The following ADGRL2 variants were observed in gnomAD, a reference collection of about 807,000 sequenced individuals.
ADGRL2 encodes the protein calcium-independent alpha-latrotoxin receptor 2.
In ADGRL2, 44 loss-of-function variants were observed where a neutral mutation model predicts 157.4. The ratio of observed to expected loss-of-function variants is 0.28; its 90% CI spans 0.22 to 0.36. The LOEUF (loss-of-function observed/expected upper bound fraction) is 0.36, where lower values mean the gene tolerates loss of function less well. Ranked by LOEUF, ADGRL2 falls within the 10% of genes least tolerant of loss-of-function variation. The probability of loss-of-function intolerance (pLI) is 1.00; values close to 1 mark genes in which losing one functional copy is unlikely to be tolerated. For missense variants in ADGRL2, 1,510 were observed against 1,768.9 expected, an observed-to-expected ratio of 0.85 and a Z score of 2.63; for synonymous variants, 585 against 624.7, an observed-to-expected ratio of 0.94 and a Z score of 0.95.
At chr1:81,691,506 T>TG (rs1403865009) in intron 3 of ADGRL2, among the ~76,000 whole-genome samples, 11 of 143,802 alleles carry the variant, frequency 7.6e-5, no homozygotes, top group African/African-American at 2.7e-4. Context: ...TTTTTAGGAC[T>TG]TTTTTTTTTG....
intron 1 of ADGRL2, among the ~76,000 whole-genome samples, chr1:81,435,555 G>T (rs2077393933): frequency 6.6e-6 from 1 of 152,104 alleles, no homozygotes; most frequent in Non-Finnish European, 1.5e-5. Context: ...AAACTTATAG[G>T]CCAAGATGAA....
At chr1:81,308,581 G>T (rs2100530331) in intron 1 of ADGRL2, among the ~76,000 whole-genome samples, 1 of 152,278 alleles carries the variant, frequency 6.6e-6, no homozygotes, top group Admixed American at 6.5e-5. Context: ...TGGGGACAGA[G>T]AAAATGCAAA....
chr1:81,766,847 G>GAAAAAAAAAAAAAAAAAAAAAAAAAAAA (rs66946051), intron 2 of ADGRL2, among the ~76,000 whole-genome samples: 1 of 117,824 alleles, frequency 8.5e-6, no homozygotes, highest in Non-Finnish European at 1.8e-5. Context: ...AAAAAAAAAG[G>GAAAAAAAAAAAAAAAAAAAAAAAAAAAA]AAAAAAAAAA....
intron 2 of ADGRL2, among the ~76,000 whole-genome samples, chr1:81,553,339 C>G (rs1252196629): frequency 6.6e-6 from 1 of 151,940 alleles, no homozygotes; most frequent in East Asian, 1.9e-4. Context: ...ATTTAAGCAC[C>G]CGGTTTTTGA....
chr1:81,778,343 C>G (rs972467642), intron 2 of ADGRL2, among the ~76,000 whole-genome samples: 1 of 150,370 alleles, frequency 6.7e-6, no homozygotes, highest in Admixed American at 6.6e-5. Flanking sequence ...AAAAAAATTA[C>G]TATCCCTAAA....
chr1:81,438,425 G>A (rs909949333), intron 1 of ADGRL2, among the ~76,000 whole-genome samples: 3 of 152,162 alleles, frequency 2.0e-5, no homozygotes, highest in Non-Finnish European at 4.4e-5. Flanking sequence ...TATTTTCCGT[G>A]TTGCTGAGGG....
At chr1:81,840,912 A>T (rs1259685814) in intron 2 of ADGRL2, among the ~76,000 whole-genome samples, 2 of 152,140 alleles carry the variant, frequency 1.3e-5, no homozygotes, top group Non-Finnish European at 1.5e-5. Flanking sequence ...TCTTTTGGCC[A>T]GTTTTTATAA....
chr1:81,674,926 CTAAAA>C (rs1474596542), intron 3 of ADGRL2, among the ~76,000 whole-genome samples: 2 of 152,076 alleles, frequency 1.3e-5, no homozygotes, highest in African/African-American at 2.4e-5. Flanking sequence ...AAAATAAAAA[CTAAAA>C]TAAAATAAAA....
chr1:81,392,777 T>C (rs1458304281), intron 1 of ADGRL2, among the ~76,000 whole-genome samples: 2 of 152,028 alleles, frequency 1.3e-5, no homozygotes, highest in African/African-American at 4.8e-5. Context: ...TAATGCAGGG[T>C]GGGTAAAACT....
intron 1 of ADGRL2, among the ~76,000 whole-genome samples, chr1:81,307,221 A>G (rs1659404237): frequency 6.6e-6 from 1 of 152,222 alleles, no homozygotes; most frequent in African/African-American, 2.4e-5. Context: ...TTTGAGATCA[A>G]TTTTTGAGAA....
At chr1:81,892,954 A>G (rs1019017724) in intron 2 of ADGRL2, among the ~76,000 whole-genome samples, 4 of 152,206 alleles carry the variant, frequency 2.6e-5, no homozygotes, top group Non-Finnish European at 5.9e-5. Context: ...ATAATATTAA[A>G]TATAAATTAA....
intron 1 of ADGRL2, among the ~76,000 whole-genome samples, chr1:81,316,732 T>A (rs1271029990): frequency 6.6e-6 from 1 of 152,172 alleles, no homozygotes; most frequent in Non-Finnish European, 1.5e-5. Flanking sequence ...TCATTAAATA[T>A]TATAGCCAAA....
At chr1:81,965,220 T>C (rs992201421) in intron 11 of ADGRL2, among the ~76,000 whole-genome samples, 2 of 152,182 alleles carry the variant, frequency 1.3e-5, no homozygotes, top group Non-Finnish European at 2.9e-5. Context: ...GTCCAGATAG[T>C]ATATATTTTA....
At chr1:81,422,413 T>G (rs1016528251) in intron 1 of ADGRL2, among the ~76,000 whole-genome samples, 3 of 152,178 alleles carry the variant, frequency 2.0e-5, no homozygotes, top group African/African-American at 4.8e-5. Flanking sequence ...CCTGGCCAAT[T>G]TTTGTATTTT....
Position 81,462,299 on chromosome 1 carries a change from C to G in ADGRL2, c.-248+17210C>G, listed in dbSNP as rs572412931. On this transcript the variant is annotated intron_variant, in intron 2 of 24. Coordinates refer to the ADGRL2 transcript ENST00000370721. ...GGCCACCCCAGCATGCAGCAGCAACCTGCTCTGCTGCCCTTCTATGTTGTG... is the reference window on the plus strand; with the variant it reads ...GGCCACCCCAGCATGCAGCAGCAACGTGCTCTGCTGCCCTTCTATGTTGTG... Among the ~76,000 whole-genome samples, 8 of 152,216 alleles carry G rather than the reference C, an allele frequency of 5.3e-5. No homozygotes were observed. In the East Asian group the frequency reaches 1.3e-3, roughly 26 times the overall value.
chr1:81,380,365 T>G (rs1244487128), intron 1 of ADGRL2, among the ~76,000 whole-genome samples: 1 of 152,242 alleles, frequency 6.6e-6, no homozygotes, highest in African/African-American at 2.4e-5. Flanking sequence ...ATAAGCATAT[T>G]TTATGTTTAT....
intron 1 of ADGRL2, among the ~76,000 whole-genome samples, chr1:81,717,561 T>G (rs2084160191): frequency 6.6e-6 from 1 of 152,196 alleles, no homozygotes; most frequent in Non-Finnish European, 1.5e-5. Flanking sequence ...CCCTGAAAAC[T>G]TCAACTCCAT....
At chr1:81,806,464 A>G (rs571129746) in intron 1 of ADGRL2, among the ~76,000 whole-genome samples, 9 of 152,134 alleles carry the variant, frequency 5.9e-5, no homozygotes, top group Non-Finnish European at 1.0e-4. Flanking sequence ...TCTTTATTTG[A>G]TCATTATTGA....
intron 2 of ADGRL2, among the ~76,000 whole-genome samples, chr1:81,514,322 G>A (rs2079134149): frequency 6.6e-6 from 1 of 152,156 alleles, no homozygotes; most frequent in South Asian, 2.1e-4. Context: ...GCCGCAGAAA[G>A]AAACCTCTAG....
Sources: gnomAD v4.1 joint callset for allele counts (sites outside exome capture counted in the v4.1 genomes callset) on GRCh38, gnomAD v4.1.1 for gene constraint, MANE v1.5 for transcripts, NCBI Gene and HGNC (gene_info 2026-07-23, HGNC 2026-07-21) for gene names.